Variants in USP40 observed in about 807,000 individuals in gnomAD.
The protein encoded by USP40 is ubiquitin carboxyl-terminal hydrolase 40.
USP40 carries 143 observed loss-of-function variants against 166.2 expected under a neutral mutation model. The observed-to-expected ratio is 0.86, with a 90% CI of 0.75 to 0.99. The LOEUF is 0.99. Among genes scored for constraint, USP40 ranks in the 50% least tolerant of loss-of-function variants. The pLI, the probability that USP40 is intolerant of heterozygous loss-of-function variation, is 0.00. For missense variants in USP40, 1,444 were observed against 1,479.7 expected (o/e 0.98, Z 0.40); for synonymous variants, 498 against 524.0 (o/e 0.95, Z 0.68).
intron 31 of USP40, 134 bp downstream of exon 31, chr2:233,481,069 C>T (rs1293230130): frequency 3.8e-6 from 3 of 784,362 alleles, no homozygotes; most frequent in Non-Finnish European, 6.0e-6. Context: ...GGAGAAGGAC[C>T]CGCCACACTG....
intron 6 of USP40, 89 bp downstream of exon 6, chr2:233,554,291 C>G (rs1466769985): frequency 1.5e-6 from 2 of 1,331,782 alleles, no homozygotes; most frequent in Non-Finnish European, 2.0e-6. Flanking sequence ...TCAACAGCTT[C>G]AAGTATATCC....
In USP40 at chr2:233,529,518, A is replaced by ATTTC; in HGVS notation, c.1472-7_1472-6insGAAA. On this transcript the variant is annotated splice_region_variant and splice_polypyrimidine_tract_variant and intron_variant, in intron 11 of 31. Coordinates refer to ENST00000678225, the MANE Select transcript of USP40 (RefSeq NM_001365479.2). The stretch of plus-strand genomic sequence containing the variant: ...ATATCTTGGATTAGCTCGAGCTGTG[A>ATTTC]ACAAAATTTTTCATTAACTTGTGTT... The ATTTC allele has an allele frequency of 6.4e-7, 1 of 1,569,338 alleles. No homozygotes were observed. Among genetic ancestry groups the ATTTC allele is most frequent in the South Asian group, 1.2e-5 (1 of 85,216 alleles).
rs901886359 is a variant in USP40 at position 233,518,440 on chromosome 2, G to A, written c.2383+1174C>T. 1.8e-4 allele frequency among the ~76,000 whole-genome samples: 28 copies of A among 151,398 alleles called. 1 individual carries two copies. The highest frequency in any genetic ancestry group is 9.7e-4 in the East Asian group (5 of 5,136). On this transcript the variant is annotated intron_variant, in intron 18 of 31. Coordinates refer to ENST00000678225, the MANE Select transcript of USP40 (RefSeq NM_001365479.2). ...AAATTAGCTGGGCGTGGTGGCACAC[G>A]CCTGTAATCCCAGCTACTTGGGAGG...
intron 21 of USP40, among the ~76,000 whole-genome samples, chr2:233,501,129 T>G (rs1043306732): frequency 6.6e-6 from 1 of 152,210 alleles, no homozygotes; most frequent in Non-Finnish European, 1.5e-5. Context: ...AAGCTTATAT[T>G]CTAAGAAAAC....
In USP40 at chr2:233,477,385, G is replaced by C. The variant is rs372824643; in HGVS notation, c.*7C>G. Reference sequence around the variant, plus strand: ...TTCATCGGGAGTAGAGCCGTGCAGCGGCGCGGTTATCTGAAGCTCCCCACG... The same window carrying C: ...TTCATCGGGAGTAGAGCCGTGCAGCCGCGCGGTTATCTGAAGCTCCCCACG... On this transcript the variant is annotated 3_prime_UTR_variant, in exon 32 of 32. Coordinates refer to ENST00000678225, the MANE Select transcript of USP40 (RefSeq NM_001365479.2). 2.2e-5 allele frequency: 36 copies of C among 1,612,656 alleles called. No individual in the cohort carries two copies. The South Asian group carries it at 3.5e-4, about 16-fold the overall frequency.
At position 233,477,238 on chromosome 2, in the gene USP40, A is replaced by G; in HGVS notation, c.*154T>C. 1.4e-6 allele frequency: 1 copy of G among 724,056 alleles called. No individual in the cohort carries two copies. Among genetic ancestry groups the G allele is most frequent in the Admixed American group, 2.1e-5 (1 of 48,012 alleles). The allele number at this position is 724,056 out of a possible 1,614,324, so 44.9% of individuals were successfully genotyped here. Reference sequence around the variant, plus strand: ...GTTGCAGAGCTAAGTGACTACATGCACTGGCCAGGCCTCAGAGGAGCCGTC... The same window carrying G: ...GTTGCAGAGCTAAGTGACTACATGCGCTGGCCAGGCCTCAGAGGAGCCGTC... On this transcript the variant is annotated 3_prime_UTR_variant, in exon 32 of 32. Transcript: ENST00000678225.
chr2:233,503,811 CA>C (rs1241648099), intron 21 of USP40, among the ~76,000 whole-genome samples: 10 of 152,112 alleles, frequency 6.6e-5, no homozygotes, highest in Non-Finnish European at 1.5e-4. Flanking sequence ...TAATTACTAT[CA>C]TGAAAACACA....
At chr2:233,497,113 T>A (rs564880173) in intron 23 of USP40, among the ~76,000 whole-genome samples, 1 of 152,068 alleles carries the variant, frequency 6.6e-6, no homozygotes, top group Admixed American at 6.6e-5. Context: ...TTTTAATTAA[T>A]CCTAAAAAGA....
intron 2 of USP40, among the ~76,000 whole-genome samples, chr2:233,565,127 G>A (rs549628635): frequency 6.6e-6 from 1 of 152,176 alleles, no homozygotes; most frequent in South Asian, 2.1e-4. Context: ...GAAATATATT[G>A]CTTTATTTTT....
At chr2:233,502,451 C>T (rs546009676) in intron 21 of USP40, among the ~76,000 whole-genome samples, 11 of 152,212 alleles carry the variant, frequency 7.2e-5, no homozygotes, top group African/African-American at 2.4e-4. Context: ...ATATGAAATG[C>T]TCCAATGAAT....
chr2:233,514,716 G>T (rs1242538765), intron 18 of USP40, among the ~76,000 whole-genome samples: 1 of 152,190 alleles, frequency 6.6e-6, no homozygotes, highest in Non-Finnish European at 1.5e-5. Context: ...TTCATGGGAT[G>T]ACAGCAAACT....
At chr2:233,535,351 G>A (rs774285328) in intron 10 of USP40, among the ~76,000 whole-genome samples, 6 of 152,204 alleles carry the variant, frequency 3.9e-5, no homozygotes, top group Non-Finnish European at 7.3e-5. Context: ...TTTTCTTAAA[G>A]AGCCAGATGG....
intron 13 of USP40, 131 bp downstream of exon 13, chr2:233,527,276 T>C (rs1217890009): frequency 1.9e-6 from 2 of 1,032,962 alleles, no homozygotes; most frequent in Non-Finnish European, 2.7e-6. Flanking sequence ...CAACCCTCTA[T>C]GAAGTGGCAG....
At chr2:233,498,173 C>T (rs1432321002) in intron 23 of USP40, among the ~76,000 whole-genome samples, 1 of 152,190 alleles carries the variant, frequency 6.6e-6, no homozygotes, top group Admixed American at 6.5e-5. Context: ...AATTCTGCCA[C>T]CATTACCTTA....
At chr2:233,498,718 C>G in intron 22 of USP40, 106 bp from the exon 23 acceptor site, 1 of 895,978 alleles carries the variant, frequency 1.1e-6, no homozygotes, top group East Asian at 2.6e-5. Context: ...AACTTCCTTT[C>G]CAGATAATAA....
chr2:233,514,947 T>G (rs2067084740), intron 18 of USP40, among the ~76,000 whole-genome samples: 1 of 152,214 alleles, frequency 6.6e-6, no homozygotes, highest in Non-Finnish European at 1.5e-5. Context: ...ATCTGCCTTC[T>G]GTAACTACAG....
Position 233,521,060 on chromosome 2 carries a change from G to C in USP40, c.2256C>G (p.Leu752=). 1 of 1,613,310 alleles carries C rather than the reference G, an allele frequency of 6.2e-7. No homozygotes were observed. Among genetic ancestry groups the C allele is most frequent in the Non-Finnish European group, 8.5e-7 (1 of 1,179,582 alleles). The change falls in exon 17 of 32, where the codon CTC becomes CTG. Residue 752 remains leucine (L), a synonymous_variant. Coordinates refer to ENST00000678225, the MANE Select transcript of USP40 (RefSeq NM_001365479.2). ...WVTSMNEIDW[L]HVKNLCQLES... ...CTAACTGGCATAAATTTTTAACGTG[G>C]AGCCAGTCAATCTCATTCATACTAG...
At chr2:233,562,900 G>T in intron 2 of USP40, 97 bp from the exon 3 acceptor site, 1 of 857,300 alleles carries the variant, frequency 1.2e-6, no homozygotes, top group Non-Finnish European at 1.7e-6. Flanking sequence ...AAATCAAGTA[G>T]ATTCAGAAAT....
In USP40 at chr2:233,517,379, G is replaced by GTTTTTTTTTTT. The variant is rs202226925; in HGVS notation, c.2383+2234_2383+2235insAAAAAAAAAAA. Among the ~76,000 whole-genome samples, 90 of 137,146 alleles carry GTTTTTTTTTTT rather than the reference G, an allele frequency of 6.6e-4. 4 individuals are homozygous for GTTTTTTTTTTT. Among genetic ancestry groups the GTTTTTTTTTTT allele is most frequent in the Middle Eastern group, 3.8e-3 (1 of 262 alleles). The allele number at this position is 137,146 out of a possible 152,430, so 90.0% of individuals were successfully genotyped here. On this transcript the variant is annotated intron_variant, in intron 18 of 31. Coordinates refer to ENST00000678225, the MANE Select transcript of USP40 (RefSeq NM_001365479.2). Reference sequence around the variant, plus strand: ...CAAAAAAGATACTTGCACATGCATGGTTTTTTGTTTTTTTTTTTTTTTTGA... The same window carrying GTTTTTTTTTTT: ...CAAAAAAGATACTTGCACATGCATGGTTTTTTTTTTTTTTTTTGTTTTTTTTTTTTTTTTGA...
Sources: gnomAD v4.1 joint callset for allele counts (sites outside exome capture counted in the v4.1 genomes callset) on GRCh38, gnomAD v4.1.1 for gene constraint, MANE v1.5 for transcripts, NCBI Gene and HGNC (gene_info 2026-07-23, HGNC 2026-07-21) for gene names.